Variants in SLC8A1 observed in about 807,000 individuals in gnomAD.
SLC8A1 encodes the protein sodium/calcium exchanger 1.
SLC8A1 carries 18 observed loss-of-function variants against 68.3 expected under a neutral mutation model. The observed-to-expected ratio is 0.26, with a 90% CI of 0.18 to 0.39. The LOEUF is 0.39. Among genes scored for constraint, SLC8A1 ranks in the 10% least tolerant of loss-of-function variants. The pLI is 1.00. For synonymous variants in SLC8A1, 475 were observed against 415.5 expected, an observed-to-expected ratio of 1.14 and a Z score of -1.74; for missense variants, 985 against 1,156.7, an observed-to-expected ratio of 0.85 and a Z score of 2.15.
At chr2:40,385,216 C>T (rs747033604) in intron 2 of SLC8A1, among the ~76,000 whole-genome samples, 1 of 151,920 alleles carries the variant, frequency 6.6e-6, no homozygotes, top group South Asian at 2.1e-4. Context: ...ATAGAAGATG[C>T]AATAGGAATA....
intron 2 of SLC8A1, among the ~76,000 whole-genome samples, chr2:40,249,651 A>G (rs1574688865): frequency 6.6e-6 from 1 of 152,170 alleles, no homozygotes; most frequent in Non-Finnish European, 1.5e-5. Context: ...TGTAAATTGT[A>G]CTTAAAGTCA....
At chr2:40,156,359 A>C (rs1558556540) in intron 6 of SLC8A1, among the ~76,000 whole-genome samples, 1 of 125,818 alleles carries the variant, frequency 7.9e-6, no homozygotes, top group African/African-American at 3.0e-5. Flanking sequence ...AAACTGCTGG[A>C]GTTTTTTTTT....
chr2:40,365,785 G>C (rs1440321717), intron 2 of SLC8A1, among the ~76,000 whole-genome samples: 2 of 151,992 alleles, frequency 1.3e-5, no homozygotes, highest in Admixed American at 1.3e-4. Context: ...AGGATTGCTT[G>C]AGGCCAGGAG....
intron 5 of SLC8A1, among the ~76,000 whole-genome samples, chr2:40,162,522 T>C (rs2045859472): frequency 6.6e-6 from 1 of 152,152 alleles, no homozygotes; most frequent in South Asian, 2.1e-4. Flanking sequence ...AGAACAAATG[T>C]TTAAGATAAA....
At chr2:40,228,397 G>A (rs544880600) in intron 2 of SLC8A1, among the ~76,000 whole-genome samples, 5 of 152,284 alleles carry the variant, frequency 3.3e-5, no homozygotes, top group East Asian at 3.9e-4. Context: ...AAAAGGCTGC[G>A]GAAATGCTGC....
chr2:40,429,401 T>C, exon 2 of SLC8A1: 1 of 1,613,864 alleles, frequency 6.2e-7, no homozygotes, highest in Non-Finnish European at 8.5e-7. Context: ...TTGACCACTT[T>C]CCCGTCCATT....
intron 1 of SLC8A1, among the ~76,000 whole-genome samples, chr2:40,431,419 G>A (rs1472183353): frequency 1.3e-5 from 2 of 152,018 alleles, no homozygotes; most frequent in Admixed American, 6.5e-5. Flanking sequence ...GGCAAGGAGG[G>A]CCATGGCAAC....
intron 2 of SLC8A1, among the ~76,000 whole-genome samples, chr2:40,385,000 A>T (rs989403072): frequency 3.3e-5 from 5 of 152,064 alleles, no homozygotes; most frequent in Non-Finnish European, 7.4e-5. Context: ...AGTTCTTCTA[A>T]ATCTAAGTGA....
At chr2:40,396,997 G>C (rs988343103) in intron 2 of SLC8A1, among the ~76,000 whole-genome samples, 3 of 152,138 alleles carry the variant, frequency 2.0e-5, no homozygotes, top group African/African-American at 7.2e-5. Flanking sequence ...CCCTGGAAAA[G>C]TAATGTCTAA....
intron 1 of SLC8A1, among the ~76,000 whole-genome samples, chr2:40,497,959 C>T: frequency 6.6e-6 from 1 of 151,972 alleles, no homozygotes; most frequent in East Asian, 1.9e-4. Context: ...ATTGCAATAA[C>T]TTATGTAATA....
chr2:40,216,775 AT>A (rs1314583559), intron 2 of SLC8A1, among the ~76,000 whole-genome samples: 4 of 152,000 alleles, frequency 2.6e-5, no homozygotes, highest in Non-Finnish European at 5.9e-5. Flanking sequence ...TTCTTTTCAT[AT>A]TTTTGTTGGC....
chr2:40,265,223 C>G (rs1047642402), intron 2 of SLC8A1, among the ~76,000 whole-genome samples: 14 of 152,100 alleles, frequency 9.2e-5, no homozygotes, highest in African/African-American at 3.1e-4. Flanking sequence ...TATTTTAGGT[C>G]ACTGCAATGT....
At chr2:40,307,530 T>G (rs974224219) in intron 2 of SLC8A1, among the ~76,000 whole-genome samples, 8 of 152,158 alleles carry the variant, frequency 5.3e-5, no homozygotes, top group Non-Finnish European at 1.0e-4. Context: ...AAATTTTATA[T>G]TTTTTACTAC....
At chr2:40,412,332 T>G (rs548927333) in intron 2 of SLC8A1, among the ~76,000 whole-genome samples, 4 of 152,174 alleles carry the variant, frequency 2.6e-5, no homozygotes, top group African/African-American at 9.6e-5. Context: ...AATGTGTTAC[T>G]TCTCCTTCCC....
At chr2:40,485,123 A>G (rs757982608) in intron 1 of SLC8A1, among the ~76,000 whole-genome samples, 15 of 151,988 alleles carry the variant, frequency 9.9e-5, no homozygotes, top group Non-Finnish European at 1.6e-4. Context: ...AAAATAGAGG[A>G]GGAGGAGTAG....
At chr2:40,279,940 C>T (rs1208750135) in intron 2 of SLC8A1, among the ~76,000 whole-genome samples, 9 of 152,140 alleles carry the variant, frequency 5.9e-5, no homozygotes, top group Admixed American at 5.2e-4. Flanking sequence ...TTGTTCCCTG[C>T]CTCTTTTCCA....
At chr2:40,247,218 G>C (rs994959116) in intron 2 of SLC8A1, among the ~76,000 whole-genome samples, 1 of 152,182 alleles carries the variant, frequency 6.6e-6, no homozygotes, top group Non-Finnish European at 1.5e-5. Context: ...GCTTTCTGCA[G>C]CCTGGAATGG....
intron 2 of SLC8A1, among the ~76,000 whole-genome samples, chr2:40,411,609 CAA>C (rs1692178608): frequency 6.6e-6 from 1 of 151,572 alleles, no homozygotes. Context: ...AAAACAAAAA[CAA>C]TGTCAAAACA....
At chr2:40,421,653 A>T (rs1025023490) in intron 2 of SLC8A1, among the ~76,000 whole-genome samples, 8 of 152,176 alleles carry the variant, frequency 5.3e-5, no homozygotes, top group African/African-American at 1.9e-4. Context: ...TCTTACCTTC[A>T]TATCTTCAAC....
Sources: allele counts gnomAD v4.1 joint callset (sites outside exome capture counted in the v4.1 genomes callset), GRCh38; gene constraint gnomAD v4.1.1; transcripts MANE v1.5; gene names NCBI Gene and HGNC (gene_info 2026-07-23, HGNC 2026-07-21).